FGD2: variants seen among roughly 807,000 people sequenced by gnomAD.
The protein encoded by FGD2 is FYVE, RhoGEF and PH domain containing 2, also known as FYVE, RhoGEF and PH domain-containing protein 2.
A neutral mutation model predicts 75.9 loss-of-function variants in FGD2; 52 were observed. The ratio of observed to expected loss-of-function variants is 0.69; its 90% confidence interval spans 0.55 to 0.86. The LOEUF is 0.86. Ranked by LOEUF, FGD2 falls within the 40% of genes least tolerant of loss-of-function variation. FGD2 has a pLI of 0.00. For missense variants in FGD2, 790 were observed against 872.0 expected, an observed-to-expected ratio of 0.91 and a Z score of 1.18; for synonymous variants, 347 against 348.6, an observed-to-expected ratio of 1.00 and a Z score of 0.05.
At chr6:37,009,520 T>C (rs1764908511) in intron 2 of FGD2, 1 of 155,346 alleles carries the variant, frequency 6.4e-6, no homozygotes, top group South Asian at 2.0e-4. Flanking sequence ...TTTTCTCATC[T>C]GCAGAGTTCA....
intron 9 of FGD2, among the ~76,000 whole-genome samples, chr6:37,019,559 C>T (rs1295840302): frequency 6.6e-6 from 1 of 152,220 alleles, no homozygotes; most frequent in East Asian, 1.9e-4. Context: ...CACAGAAGCT[C>T]TTGTGCTCTC....
At chr6:37,026,341 G>A (rs1036503760) in intron 14 of FGD2, 11 of 985,296 alleles carry the variant, frequency 1.1e-5, no homozygotes, top group Non-Finnish European at 1.1e-5. Flanking sequence ...ACAGATTGGA[G>A]ACTCCATTCT....
chr6:37,015,717 G>A (rs1175092349), intron 8 of FGD2, 51 bp from the exon 9 acceptor site: 5 of 1,522,018 alleles, frequency 3.3e-6, no homozygotes. Flanking sequence ...ACCCCACCTA[G>A]CCATCCTCCC....
Position 37,028,011 on chromosome 6 carries a change from G to C in FGD2, c.1816G>C (p.Asp606His). ...CCAGGTGACTGTTGGGCCCCAGGGG[G>C]ACCCTCGGGTCTTCCAGCTACAGCA... ...GYQVTVGPQG[D>H]PRVFQLQQSG... Residue 606 changes from aspartate (D) to histidine (H), a missense_variant, in exon 16 of 16, where the codon GAC becomes CAC. Transcript: ENST00000274963. The C allele has an allele frequency of 6.2e-7, 1 of 1,614,080 alleles. No individual in the cohort carries two copies. Among genetic ancestry groups the C allele is most frequent in the African/African-American group, 1.3e-5 (1 of 75,064 alleles).
rs936441843 is a variant in FGD2, at chr6:37,005,790, G to A, written c.-28G>A. 1 of 1,612,604 alleles carries A rather than the reference G, an allele frequency of 6.2e-7. No individual in the cohort carries two copies. Among genetic ancestry groups the A allele is most frequent in the South Asian group, 1.1e-5 (1 of 90,454 alleles). On this transcript the variant is annotated 5_prime_UTR_variant, in exon 1 of 16. The change abolishes the stop of an existing upstream ORF in the 5' untranslated region. Transcript: ENST00000274963. ...GGCCTCTCTCTCTGCTTCGAGGGTA[G>A]CTGAGATCCACCCCGGAAACCGGCA...
In FGD2 at chr6:37,011,747, G is replaced by A. The variant is rs547840613; in HGVS notation, c.420G>A (p.Lys140=). Residue 140 remains lysine, a synonymous_variant, in exon 4 of 16, where the codon AAG becomes AAA. Transcript: ENST00000274963. The part of the protein sequence containing the change: ...QELLKTARSS[K]AFPEDVVRVI... ...TGCTGAAGACAGCCCGCAGCAGCAA[G>A]GCCTTCCCAGAGGATGTGGTCAGGG... The A allele has an allele frequency of 2.5e-6, 4 of 1,614,166 alleles. No homozygotes were observed. The highest frequency in any genetic ancestry group is 1.1e-5 in the South Asian group (1 of 91,082).
At chr6:37,017,566 A>G (rs1765361736) in intron 9 of FGD2, among the ~76,000 whole-genome samples, 1 of 152,174 alleles carries the variant, frequency 6.6e-6, no homozygotes, top group Non-Finnish European at 1.5e-5. Flanking sequence ...GGCATCGTGG[A>G]GGACACAGCC....
At position 37,014,957 on chromosome 6, in the gene FGD2, C is replaced by T; in HGVS notation, c.948C>T (p.Pro316=). The T allele has an allele frequency of 1.9e-6, 3 of 1,614,178 alleles. No homozygotes were observed. The highest frequency in any genetic ancestry group is 1.7e-6 in the Non-Finnish European group (2 of 1,180,018). ...RLGLEDDIVD[P]SNTLLREGPV... ...GCCTCGAGGACGACATAGTAGACCC[C>T]TCTAACACCCTGCTCCGTGAGGGCC... is the stretch of plus-strand genomic sequence containing the variant. Residue 316 remains proline, a synonymous_variant, in exon 8 of 16, where the codon CCC becomes CCT. Coordinates refer to ENST00000274963, the MANE Select transcript of FGD2 (RefSeq NM_173558.4).
chr6:37,025,219 G>GA (rs1308992251), intron 13 of FGD2: 1 of 153,534 alleles, frequency 6.5e-6, no homozygotes, highest in East Asian at 1.9e-4. Flanking sequence ...ATTTTTAGGT[G>GA]AAAACACACT....
At position 37,028,230 on chromosome 6, in the gene FGD2, C is replaced by G. The variant is rs780884488; in HGVS notation, c.*67C>G. On this transcript the variant is annotated 3_prime_UTR_variant, in exon 16 of 16. Coordinates refer to ENST00000274963, the MANE Select transcript of FGD2 (RefSeq NM_173558.4). ...AACCCAGCTCCTGCCACAGACTGACCCTGTGGCCTCAGTGACCCACTGCCC... is the reference window on the plus strand; with the variant it reads ...AACCCAGCTCCTGCCACAGACTGACGCTGTGGCCTCAGTGACCCACTGCCC... 2.0e-5 allele frequency: 28 copies of G among 1,388,074 alleles called. No individual in the cohort carries two copies. Among genetic ancestry groups the G allele is most frequent in the Admixed American group, 2.7e-5 (1 of 36,456 alleles). 86.0% of individuals were successfully genotyped at this position (1,388,074 alleles called of 1,614,324 possible). A position where few individuals can be genotyped will look rare whatever the true frequency, so the allele number is the denominator to read the frequency against.
chr6:37,025,738 C>T, intron 13 of FGD2, 54 bp from the exon 14 acceptor site: 1 of 1,607,446 alleles, frequency 6.2e-7, no homozygotes, highest in East Asian at 2.2e-5. Flanking sequence ...AGGCAGGAGC[C>T]CAGCCCTCCG....
At chr6:37,026,524 G>T (rs1202335014) in intron 14 of FGD2, among the ~76,000 whole-genome samples, 1 of 150,896 alleles carries the variant, frequency 6.6e-6, no homozygotes, top group Non-Finnish European at 1.5e-5. Context: ...CCCCACAGGT[G>T]CTCCCCTGTG....
intron 6 of FGD2, 162 bp from the exon 7 acceptor site, chr6:37,014,484 T>A (rs1418694733): frequency 1.0e-5 from 8 of 767,184 alleles, no homozygotes; most frequent in Non-Finnish European, 1.7e-5. Context: ...CCTGGGGGGC[T>A]CCCGCCATTC....
chr6:37,020,393 T>C (rs1765517855), intron 9 of FGD2, 148 bp from the exon 10 acceptor site: 1 of 736,296 alleles, frequency 1.4e-6, no homozygotes, highest in East Asian at 2.7e-5. Context: ...CTCAACAGGA[T>C]TAGAGAGGTG....
intron 11 of FGD2, 112 bp from the exon 12 acceptor site, chr6:37,021,399 TG>T: frequency 1.1e-6 from 1 of 884,420 alleles, no homozygotes; most frequent in Non-Finnish European, 1.8e-6. Flanking sequence ...ATCCAGCGCC[TG>T]GTACCCAGTG....
Position 37,021,581 on chromosome 6 carries a change from G to A in FGD2, c.1303G>A (p.Glu435Lys). The change falls in exon 12 of 16, where the codon GAG becomes AAG. Residue 435 changes from glutamate (E) to lysine (K), a missense_variant. Coordinates refer to ENST00000274963, the MANE Select transcript of FGD2 (RefSeq NM_173558.4). ...ETFKAAAQGP[E>K]GDIQEQELQS... ...CTTCAAGGCTGCGGCCCAGGGGCCTGAGGGAGACATCCAGGAGCAGGAGGT... is the reference window on the plus strand; with the variant it reads ...CTTCAAGGCTGCGGCCCAGGGGCCTAAGGGAGACATCCAGGAGCAGGAGGT... 1 of 1,614,014 alleles carries A rather than the reference G, an allele frequency of 6.2e-7. No individual in the cohort carries two copies. The highest frequency in any genetic ancestry group is 1.1e-5 in the South Asian group (1 of 91,054).
At chr6:37,013,251 G>A (rs1583299417) in intron 4 of FGD2, 1 of 200,824 alleles carries the variant, frequency 5.0e-6, no homozygotes, top group Non-Finnish European at 9.7e-6. Context: ...ACAGGGTTGT[G>A]AGAATTACAT....
intron 6 of FGD2, chr6:37,014,401 T>C: frequency 1.6e-6 from 1 of 620,704 alleles, no homozygotes; most frequent in Non-Finnish European, 2.8e-6. Context: ...GTCTGGCTTG[T>C]TTTGGGAAGC....
At chr6:37,022,671 TGCC>T in intron 13 of FGD2, 1 of 314,808 alleles carries the variant, frequency 3.2e-6, no homozygotes. Context: ...GGCCTCCACC[TGCC>T]CCACCTTGGC....
Sources: allele counts gnomAD v4.1 joint callset (sites outside exome capture counted in the v4.1 genomes callset), GRCh38; gene constraint gnomAD v4.1.1; transcripts MANE v1.5; gene names NCBI Gene and HGNC (gene_info 2026-07-23, HGNC 2026-07-21).